Variants in YKT6 observed in about 807,000 individuals in gnomAD.
The protein encoded by YKT6 is synaptobrevin homolog YKT6.
Under a neutral mutation model 29.3 loss-of-function variants are expected in YKT6, and 12 were observed. That is an observed-to-expected ratio of 0.41 (90% CI 0.26 to 0.66). YKT6 has a LOEUF of 0.66. Ranked by LOEUF, YKT6 falls within the 30% of genes least tolerant of loss-of-function variation. The probability of loss-of-function intolerance (pLI) is 0.32; values close to 1 mark genes in which losing one functional copy is unlikely to be tolerated. For missense variants in YKT6, 188 were observed against 243.8 expected, an observed-to-expected ratio of 0.77 and a Z score of 1.52; for synonymous variants, 86 against 94.3, an observed-to-expected ratio of 0.91 and a Z score of 0.51.
At chr7:44,205,466 G>T (rs1480620303) in intron 2 of YKT6, among the ~76,000 whole-genome samples, 1 of 152,150 alleles carries the variant, frequency 6.6e-6, no homozygotes, top group Non-Finnish European at 1.5e-5. Flanking sequence ...GAGCATTGGT[G>T]ACAACCCCCT....
At chr7:44,209,493 C>G (rs1562743881) in intron 5 of YKT6, among the ~76,000 whole-genome samples, 1 of 152,234 alleles carries the variant, frequency 6.6e-6, no homozygotes. Context: ...ACCATGACAC[C>G]TGGGACACCC....
chr7:44,211,571 AG>A, intron 6 of YKT6: 3 of 1,015,288 alleles, frequency 3.0e-6, no homozygotes, highest in Non-Finnish European at 3.5e-6. Flanking sequence ...TTAATTGACA[AG>A]GATGGGTGCT....
At chr7:44,201,900 G>A (rs2096336138) in intron 1 of YKT6, among the ~76,000 whole-genome samples, 1 of 152,174 alleles carries the variant, frequency 6.6e-6, no homozygotes, top group African/African-American at 2.4e-5. Context: ...CTTTTTAGTT[G>A]GACACTAGTG....
chr7:44,209,439 C>T (rs1240157210), intron 5 of YKT6, among the ~76,000 whole-genome samples: 1 of 152,236 alleles, frequency 6.6e-6, no homozygotes, highest in Non-Finnish European at 1.5e-5. Flanking sequence ...TCTCCGTTTT[C>T]TCCTCAAGCC....
chr7:44,201,364 G>T, intron 1 of YKT6, 125 bp downstream of exon 1: 1 of 438,930 alleles, frequency 2.3e-6, no homozygotes. Flanking sequence ...AAGGGTAGGG[G>T]CAGGGCGGGG....
intron 1 of YKT6, among the ~76,000 whole-genome samples, chr7:44,202,213 T>TA (rs35233777): frequency 1.3e-3 from 193 of 146,464 alleles, no homozygotes; most frequent in Middle Eastern, 0.01. Context: ...TTGCTGGATG[T>TA]AAAAAAAAAA....
intron 2 of YKT6, among the ~76,000 whole-genome samples, 194 bp from the exon 3 acceptor site, chr7:44,206,191 C>G (rs1324169336): frequency 1.3e-5 from 2 of 152,230 alleles, no homozygotes; most frequent in East Asian, 3.8e-4. Context: ...GGTCCTAAAG[C>G]AGGCGTTGGG....
Position 44,212,300 on chromosome 7 carries a change from C to A in YKT6, c.*18C>A. 1 of 1,613,388 alleles carries A rather than the reference C, an allele frequency of 6.2e-7. No individual in the cohort carries two copies. The highest frequency in any genetic ancestry group is 8.5e-7 in the Non-Finnish European group (1 of 1,179,646). ...TCATGTGATGCAGCCTGCCAGAGGC[C>A]CAATGCTGGAATGGCACCATCATTC... On this transcript the variant is annotated 3_prime_UTR_variant, in exon 7 of 7. Coordinates refer to ENST00000223369, the MANE Select transcript of YKT6 (RefSeq NM_006555.4).
chr7:44,208,262 G>T, intron 5 of YKT6, 64 bp downstream of exon 5: 1 of 1,546,634 alleles, frequency 6.5e-7, no homozygotes. Context: ...CACTGGCCAG[G>T]CATGCACAGA....
intron 5 of YKT6, 53 bp from the exon 6 acceptor site, chr7:44,210,970 C>T: frequency 1.9e-6 from 3 of 1,587,826 alleles, no homozygotes; most frequent in Non-Finnish European, 1.7e-6. Flanking sequence ...ATGAGGGGCT[C>T]ATGTCAGGGC....
At chr7:44,206,550 G>A in intron 3 of YKT6, 65 bp downstream of exon 3, 1 of 1,382,790 alleles carries the variant, frequency 7.2e-7, no homozygotes, top group Admixed American at 1.7e-5. Context: ...GACTGGGACA[G>A]GGGTTGATGG....
rs182733381 is a variant in YKT6 at position 44,206,739 on chromosome 7, C to A, written c.288+254C>A. 1.9e-3 allele frequency among the ~76,000 whole-genome samples: 282 copies of A among 152,204 alleles called. 3 individuals are homozygous for A. Among genetic ancestry groups the A allele is most frequent in the Non-Finnish European group, 4.6e-4 (31 of 68,010 alleles). On this transcript the variant is annotated intron_variant, in intron 3 of 6. Transcript: ENST00000223369. Reference sequence around the variant, plus strand: ...ATAGCATCTATTCTCTGGGATGGGACCCTCGGAGACAGCTGTGCCTTGTGT... The same window carrying A: ...ATAGCATCTATTCTCTGGGATGGGAACCTCGGAGACAGCTGTGCCTTGTGT...
At chr7:44,209,643 G>T (rs1235169632) in intron 5 of YKT6, among the ~76,000 whole-genome samples, 1 of 152,212 alleles carries the variant, frequency 6.6e-6, no homozygotes, top group Non-Finnish European at 1.5e-5. Context: ...GAGTCGCTCA[G>T]CTGTGTGTAG....
chr7:44,208,396 A>C (rs2096343227), intron 5 of YKT6, 198 bp downstream of exon 5: 4 of 555,458 alleles, frequency 7.2e-6, no homozygotes, highest in Admixed American at 6.1e-5. Flanking sequence ...AATGGCACCC[A>C]TTGTTTCTAG....
intron 4 of YKT6, 31 bp from the exon 5 acceptor site, chr7:44,208,102 C>T: frequency 6.2e-7 from 1 of 1,611,284 alleles, no homozygotes; most frequent in Non-Finnish European, 8.5e-7. Context: ...CCACTCCAGT[C>T]CTGACTTTAT....
At chr7:44,208,342 C>T (rs569082709) in intron 5 of YKT6, 144 bp downstream of exon 5, 4 of 809,160 alleles carry the variant, frequency 4.9e-6, no homozygotes, top group African/African-American at 1.7e-5. Flanking sequence ...CCCCTTCCCC[C>T]ACCCCGGGCA....
chr7:44,206,348 T>A (rs754377586), intron 2 of YKT6, 37 bp from the exon 3 acceptor site: 9 of 1,601,996 alleles, frequency 5.6e-6, no homozygotes, highest in Non-Finnish European at 7.7e-6. Context: ...GAAGCCCTCA[T>A]GTCAGCATCC....
intron 1 of YKT6, among the ~76,000 whole-genome samples, chr7:44,202,526 T>C (rs1352029379): frequency 6.6e-6 from 1 of 152,236 alleles, no homozygotes; most frequent in Non-Finnish European, 1.5e-5. Flanking sequence ...AATCATATAG[T>C]TTTTGTGTGT....
At position 44,204,573 on chromosome 7, in the gene YKT6, A is replaced by G; in HGVS notation, c.110A>G (p.Gln37Arg). 1 of 1,614,230 alleles carries G rather than the reference A, an allele frequency of 6.2e-7. No homozygotes were observed. The highest frequency in any genetic ancestry group is 8.5e-7 in the Non-Finnish European group (1 of 1,180,030). The change falls in exon 2 of 7, where the codon CAG becomes CGG. Residue 37 changes from glutamine to arginine, a missense_variant. Transcript: ENST00000223369. The stretch of plus-strand genomic sequence containing the variant: ...ATACATTTTGTGTTTCTTAGCGTTC[A>G]GGAATTCATGACCTTCACGAGTCAA... ...SFSFFQRSSV[Q>R]EFMTFTSQLI...
Sources: allele counts gnomAD v4.1 joint callset (sites outside exome capture counted in the v4.1 genomes callset), GRCh38; gene constraint gnomAD v4.1.1; transcripts MANE v1.5; gene names NCBI Gene and HGNC (gene_info 2026-07-23, HGNC 2026-07-21).